The following WWOX variants were observed in gnomAD, a reference collection of about 807,000 sequenced individuals.
WWOX encodes WW domain containing oxidoreductase.
Under a neutral mutation model 46.2 loss-of-function variants are expected in WWOX, and 69 were observed. That is an observed-to-expected ratio of 1.49 (90% CI 1.23 to 1.82). WWOX has a LOEUF of 1.82. Ranked by LOEUF, WWOX falls within the 40% of genes most tolerant of loss-of-function variation. The pLI, the probability that WWOX is intolerant of heterozygous loss-of-function variation, is 0.00. For missense variants in WWOX, 919 were observed against 542.6 expected, an observed-to-expected ratio of 1.69 and a Z score of -6.89; for synonymous variants, 359 against 202.6, an observed-to-expected ratio of 1.77 and a Z score of -6.56.
At chr16:78,619,211 ATATG>A (rs2046115220) in intron 8 of WWOX, among the ~76,000 whole-genome samples, 1 of 70,270 alleles carries the variant, frequency 1.4e-5, no homozygotes, top group Non-Finnish European at 2.5e-5. Flanking sequence ...ATATATATAT[ATATG>A]TAGCCATGCA....
intron 8 of WWOX, among the ~76,000 whole-genome samples, chr16:79,080,153 G>T (rs368498537): frequency 6.6e-6 from 1 of 152,172 alleles, no homozygotes; most frequent in Non-Finnish European, 1.5e-5. Flanking sequence ...AGGAGGAAGA[G>T]TGGGTGTGAT....
chr16:78,655,798 T>G (rs1278013641), intron 8 of WWOX, among the ~76,000 whole-genome samples: 1 of 152,220 alleles, frequency 6.6e-6, no homozygotes, highest in African/African-American at 2.4e-5. Context: ...AATCTGTGAT[T>G]TGAAGCCTTA....
intron 8 of WWOX, among the ~76,000 whole-genome samples, chr16:78,865,581 G>A (rs1000673012): frequency 1.2e-4 from 18 of 152,232 alleles, no homozygotes; most frequent in African/African-American, 3.9e-4. Flanking sequence ...AAAGTGCAAG[G>A]AATTGTGTGT....
Position 78,696,747 on chromosome 16 carries a change from T to G in WWOX, c.1056+263995T>G, listed in dbSNP as rs182819490. 1.2e-3 allele frequency among the ~76,000 whole-genome samples: 188 copies of G among 152,286 alleles called. 5 individuals carry two copies. The East Asian group carries it at 0.032, about 26-fold the overall frequency. On this transcript the variant is annotated intron_variant, in intron 8 of 8. Transcript: ENST00000566780. ...GTTCTTTACTGGTGATTGGCGAGAC[T>G]TTGGTGCACCCATCACTCGAGCAGT...
At chr16:79,150,896 C>T (rs909608670) in intron 8 of WWOX, among the ~76,000 whole-genome samples, 5 of 152,196 alleles carry the variant, frequency 3.3e-5, no homozygotes, top group Admixed American at 2.6e-4. Context: ...AGTCCAGATT[C>T]AACCTGCAGG....
At chr16:79,016,266 G>C (rs1327791454) in intron 8 of WWOX, 1 of 152,116 alleles carries the variant, frequency 6.6e-6, no homozygotes, top group Non-Finnish European at 1.5e-5. Flanking sequence ...CTCTCCTTTG[G>C]AATGAAACTG....
intron 8 of WWOX, among the ~76,000 whole-genome samples, chr16:78,518,319 C>T (rs569392385): frequency 6.6e-5 from 10 of 152,274 alleles, no homozygotes; most frequent in East Asian, 5.8e-4. Context: ...GCAGCCTCCG[C>T]CTCCTGGGAT....
chr16:78,624,339 A>G (rs990196283), intron 8 of WWOX, among the ~76,000 whole-genome samples: 1 of 152,056 alleles, frequency 6.6e-6, no homozygotes, highest in African/African-American at 2.4e-5. Flanking sequence ...TTTGCTAACC[A>G]AACCCTAAAT....
At chr16:79,119,445 A>C (rs1385799437) in intron 8 of WWOX, among the ~76,000 whole-genome samples, 1 of 152,218 alleles carries the variant, frequency 6.6e-6, no homozygotes, top group Middle Eastern at 3.2e-3. Flanking sequence ...TCCTCCCTCA[A>C]AATCGGAGTG....
At chr16:78,331,599 C>A (rs1196840195) in intron 5 of WWOX, among the ~76,000 whole-genome samples, 1 of 152,172 alleles carries the variant, frequency 6.6e-6, no homozygotes, top group African/African-American at 2.4e-5. Flanking sequence ...TGTAACCACC[C>A]TTGTGTAAAA....
At chr16:79,054,735 A>C (rs757796341) in intron 8 of WWOX, among the ~76,000 whole-genome samples, 7 of 152,150 alleles carry the variant, frequency 4.6e-5, no homozygotes, top group Non-Finnish European at 8.8e-5. Context: ...GTGAGGCGAG[A>C]GGATTGTTTG....
At chr16:78,144,129 A>G (rs970007420) in intron 4 of WWOX, among the ~76,000 whole-genome samples, 7 of 152,028 alleles carry the variant, frequency 4.6e-5, no homozygotes, top group Admixed American at 1.3e-4. Flanking sequence ...CAGTCTTACT[A>G]CTGATTATTG....
intron 8 of WWOX, among the ~76,000 whole-genome samples, chr16:78,514,101 T>G (rs971161016): frequency 2.6e-5 from 4 of 152,176 alleles, no homozygotes; most frequent in African/African-American, 9.7e-5. Flanking sequence ...ACCCCATAAA[T>G]ACTGCTCAAG....
intron 5 of WWOX, among the ~76,000 whole-genome samples, chr16:78,172,288 C>G (rs1184607620): frequency 6.6e-6 from 1 of 152,204 alleles, no homozygotes; most frequent in Admixed American, 6.5e-5. Flanking sequence ...CCTTCGCCTT[C>G]CGTTCCAGAC....
intron 8 of WWOX, among the ~76,000 whole-genome samples, chr16:78,675,384 A>G (rs2047570769): frequency 6.6e-6 from 1 of 152,232 alleles, no homozygotes; most frequent in African/African-American, 2.4e-5. Flanking sequence ...AATAATATTT[A>G]CAGAAACTCA....
At chr16:78,376,299 TA>T in intron 5 of WWOX, among the ~76,000 whole-genome samples, 1 of 152,354 alleles carries the variant, frequency 6.6e-6, no homozygotes, top group South Asian at 2.1e-4. Flanking sequence ...GGGCGGTTTT[TA>T]ATGAATGATT....
chr16:78,607,601 C>T (rs976237690), intron 8 of WWOX, among the ~76,000 whole-genome samples: 5 of 151,132 alleles, frequency 3.3e-5, no homozygotes, highest in Admixed American at 2.6e-4. Context: ...AATGACCATC[C>T]GAGGCATTCA....
chr16:78,248,685 G>A (rs1269001210), intron 5 of WWOX, among the ~76,000 whole-genome samples: 7 of 151,974 alleles, frequency 4.6e-5, no homozygotes, highest in Non-Finnish European at 8.8e-5. Flanking sequence ...GCAGTGAGGT[G>A]AGATCGCACC....
At chr16:78,426,845 G>A (rs530900911) in intron 7 of WWOX, among the ~76,000 whole-genome samples, 21 of 152,210 alleles carry the variant, frequency 1.4e-4, no homozygotes, top group African/African-American at 5.1e-4. Flanking sequence ...TGTATTTTTA[G>A]TAGAGACGGG....
Sources: allele counts gnomAD v4.1 joint callset (sites outside exome capture counted in the v4.1 genomes callset), GRCh38; gene constraint gnomAD v4.1.1; transcripts MANE v1.5; gene names NCBI Gene and HGNC (gene_info 2026-07-23, HGNC 2026-07-21).